The following ADAMTSL2 variants were observed in gnomAD, a reference collection of about 807,000 sequenced individuals.
ADAMTSL2 encodes the protein ADAMTS-like protein 2.
ADAMTSL2 carries 55 observed loss-of-function variants against 117.0 expected under a neutral mutation model. The ratio of observed to expected loss-of-function variants is 0.47; its 90% CI spans 0.38 to 0.59. ADAMTSL2 has a LOEUF of 0.59. Among genes scored for constraint, ADAMTSL2 ranks in the 20% least tolerant of loss-of-function variants. The pLI is 0.00. For synonymous variants in ADAMTSL2, 572 were observed against 566.4 expected (o/e 1.01, Z -0.14); for missense variants, 1,182 against 1,354.5 (o/e 0.87, Z 2.00).
intron 17 of ADAMTSL2, among the ~76,000 whole-genome samples, chr9:133,572,614 C>T (rs1315146272): frequency 1.3e-5 from 2 of 152,100 alleles, no homozygotes; most frequent in African/African-American, 2.4e-5. Context: ...GGTGATGAGC[C>T]ATGGCACGGG....
chr9:133,561,320 C>T, intron 12 of ADAMTSL2, 25 bp downstream of exon 12: 9 of 1,558,536 alleles, frequency 5.8e-6, no homozygotes, highest in Non-Finnish European at 7.8e-6. Flanking sequence ...TGCCAAGGGG[C>T]AGCAACTGCC....
rs1200433730 is a variant in ADAMTSL2, at chr9:133,568,625, G to A, written c.2111G>A (p.Arg704His). 26 of 1,610,716 alleles carry A rather than the reference G, an allele frequency of 1.6e-5. 1 individual carries two copies. Among genetic ancestry groups the A allele is most frequent in the African/African-American group, 1.5e-4 (11 of 74,906 alleles). ...CAGTGCACTGCCAAGTGTGGGGAGC[G>A]CAGTGTGGTGACCAGGGACATCCGC... Reference protein sequence around the residue: ...WSECTAKCGERSVVTRDIRCS... With the variant: ...WSECTAKCGEHSVVTRDIRCS... Residue 704 changes from arginine to histidine, a missense_variant, in exon 15 of 19, where the codon CGC (arginine) becomes CAC (histidine). Arg to His is a conservative substitution (Grantham distance 29). Transcript: ENST00000651351.
chr9:133,540,164 C>G (rs1368983799), intron 5 of ADAMTSL2, among the ~76,000 whole-genome samples: 3 of 152,216 alleles, frequency 2.0e-5, no homozygotes, highest in Admixed American at 2.0e-4. Context: ...TGGGCACAGA[C>G]AGGAACCAGC....
intron 12 of ADAMTSL2, among the ~76,000 whole-genome samples, chr9:133,562,696 G>A (rs1395089967): frequency 1.4e-5 from 2 of 144,340 alleles, no homozygotes; most frequent in African/African-American, 2.5e-5. Flanking sequence ...CGTGGGCGGC[G>A]TGGTGGGCAC....
At position 133,544,477 on chromosome 9, in the gene ADAMTSL2, T is replaced by G. The variant is rs142777315; in HGVS notation, c.690T>G (p.Ser230=). The part of the protein sequence containing the change: ...YRKGNAHLGY[S]LVTHIPAGAR... ...TCATCCTTTTGCCTCCAGGTTACTC[T>G]CTGGTGACCCACATCCCGGCTGGTG... Residue 230 remains serine (S), a synonymous_variant, in exon 8 of 19, where the codon TCT becomes TCG. Transcript: ENST00000651351. 8 of 1,613,980 alleles carry G rather than the reference T, an allele frequency of 5.0e-6. No homozygotes were observed. The highest frequency in any genetic ancestry group is 6.8e-6 in the Non-Finnish European group (8 of 1,179,870).
Position 133,555,746 on chromosome 9 carries a change from A to T in ADAMTSL2, c.1465A>T (p.Ser489Cys). The T allele has an allele frequency of 1.2e-6, 2 of 1,613,954 alleles. No homozygotes were observed. Among genetic ancestry groups the T allele is most frequent in the Non-Finnish European group, 1.7e-6 (2 of 1,180,016 alleles). Residue 489 changes from serine to cysteine, a missense_variant, in exon 11 of 19, where the codon AGC (serine) becomes TGC (cysteine). Ser to Cys is a moderately radical substitution (Grantham distance 112). Around this residue, in one of 3 missense-constraint regions of ADAMTSL2, gnomAD observed 345 missense variants for 325.8 expected, o/e 1.06. Coordinates refer to ENST00000651351, the MANE Select transcript of ADAMTSL2 (RefSeq NM_014694.4). ...NSIFAQGAPR[S>C]SLAESFFVDY... ...CATCTTTGCACAGGGCGCCCCAAGG[A>T]GCTCCCTGGCCGAGAGCTTCTTCGT...
Position 133,558,558 on chromosome 9 carries a change from T to C in ADAMTSL2, c.1649+2628T>C, listed in dbSNP as rs1830658971. Among the ~76,000 whole-genome samples the C allele has an allele frequency of 6.6e-6, 1 of 152,174 alleles. No individual in the cohort carries two copies. Among genetic ancestry groups the C allele is most frequent in the Non-Finnish European group, 1.5e-5 (1 of 68,020 alleles). On this transcript the variant is annotated intron_variant, in intron 11 of 18. Coordinates refer to ENST00000651351, the MANE Select transcript of ADAMTSL2 (RefSeq NM_014694.4). This position sits in a 1 kb window ranked among gnomAD's most constrained non-coding sequence, Gnocchi z 4.3. ...GGGGGGAGAGAAGAACAGAGCACTT[T>C]CTGGCTTGTTTATAAACAAACACGG... is the stretch of plus-strand genomic sequence containing the variant.
At chr9:133,560,174 A>G (rs1000831462) in intron 11 of ADAMTSL2, among the ~76,000 whole-genome samples, 1 of 152,166 alleles carries the variant, frequency 6.6e-6, no homozygotes, top group Non-Finnish European at 1.5e-5. Flanking sequence ...AGGACCTGTG[A>G]CCTGGCCCAC....
intron 1 of ADAMTSL2, among the ~76,000 whole-genome samples, chr9:133,535,816 G>T (rs931881551): frequency 2.0e-5 from 3 of 152,070 alleles, no homozygotes; most frequent in African/African-American, 7.2e-5. Context: ...TGGATCTCTG[G>T]TCTTCCCTTC....
chr9:133,553,357 G>A (rs1830530126), intron 9 of ADAMTSL2, among the ~76,000 whole-genome samples: 1 of 152,044 alleles, frequency 6.6e-6, no homozygotes, highest in Admixed American at 6.6e-5. Flanking sequence ...TGCCTCTCCC[G>A]CCTTCCAGCT....
At position 133,573,887 on chromosome 9, in the gene ADAMTSL2, G is replaced by A. The variant is rs1390561048; in HGVS notation, c.2637G>A (p.Lys879=). 10 of 1,614,020 alleles carry A rather than the reference G, an allele frequency of 6.2e-6. No individual in the cohort carries two copies. The African/African-American group carries it at 8.0e-5, about 13-fold the overall frequency. ...TGGGCGTGAGGATGCGAGACGTCAAGTGCTACCAGGGGACCGACATCGTCC... is the reference window on the plus strand; with the variant it reads ...TGGGCGTGAGGATGCGAGACGTCAAATGCTACCAGGGGACCGACATCGTCC... ...CGVGVRMRDV[K]CYQGTDIVRG... is the part of the protein sequence containing the mutation. Residue 879 remains lysine (K), a synonymous_variant, in exon 18 of 19, where the codon AAG becomes AAA. Coordinates refer to ENST00000651351, the MANE Select transcript of ADAMTSL2 (RefSeq NM_014694.4).
chr9:133,561,405 G>A (rs892804661), intron 12 of ADAMTSL2, 110 bp downstream of exon 12: 28 of 1,013,122 alleles, frequency 2.8e-5, no homozygotes, highest in South Asian at 8.2e-5. Flanking sequence ...AACTGCCCTC[G>A]GGGTGCTTGT....
intron 17 of ADAMTSL2, among the ~76,000 whole-genome samples, chr9:133,571,610 G>A (rs1212431713): frequency 1.3e-5 from 2 of 152,194 alleles, no homozygotes; most frequent in African/African-American, 4.8e-5. Context: ...GGGCCCCACG[G>A]AGGCAGCCCT....
At chr9:133,544,078 G>C (rs577629611) in intron 7 of ADAMTSL2, among the ~76,000 whole-genome samples, 23 of 152,374 alleles carry the variant, frequency 1.5e-4, no homozygotes, top group African/African-American at 4.8e-4. Flanking sequence ...TCACAAGACA[G>C]GATTTTAAAA....
At chr9:133,561,423 C>CCCCAAG in intron 12 of ADAMTSL2, 128 bp downstream of exon 12, 1 of 828,288 alleles carries the variant, frequency 1.2e-6, no homozygotes, top group Non-Finnish European at 2.0e-6. Context: ...TGTCCGTGGC[C>CCCCAAG]TCCTGACTTG....
Position 133,566,969 on chromosome 9 carries a change from A to T in ADAMTSL2, c.1781A>T (p.Tyr594Phe). The change falls in exon 13 of 19, where the codon TAT (tyrosine) becomes TTT (phenylalanine). Residue 594 changes from tyrosine (Y) to phenylalanine (F), a missense_variant. This residue lies in a region of ADAMTSL2 where 465 missense variants were observed against 565.3 expected (regional missense o/e 0.82). Coordinates refer to ENST00000651351, the MANE Select transcript of ADAMTSL2 (RefSeq NM_014694.4). ...VMSAYAMCVRYDGVEVDDSYC... is the reference protein window; with the variant it reads ...VMSAYAMCVRFDGVEVDDSYC... ...TCTGCGTACGCCATGTGTGTCCGCTATGATGGCGTCGAGGTGGATGACAGC... is the reference window on the plus strand; with the variant it reads ...TCTGCGTACGCCATGTGTGTCCGCTTTGATGGCGTCGAGGTGGATGACAGC... 1 of 1,610,904 alleles carries T rather than the reference A, an allele frequency of 6.2e-7. No homozygotes were observed. Among genetic ancestry groups the T allele is most frequent in the South Asian group, 1.1e-5 (1 of 90,192 alleles).
At position 133,544,570 on chromosome 9, in the gene ADAMTSL2, C is replaced by G; in HGVS notation, c.763+20C>G. The G allele has an allele frequency of 6.2e-7, 1 of 1,604,004 alleles. No individual in the cohort carries two copies. On this transcript the variant is annotated intron_variant, in intron 8 of 18. Coordinates refer to ENST00000651351, the MANE Select transcript of ADAMTSL2 (RefSeq NM_014694.4). ...TGCTAGGTGGGTACGCAGTGTCTGGCAGCTGCCTCACTGAGCTTTTGGTTG... is the reference window on the plus strand; with the variant it reads ...TGCTAGGTGGGTACGCAGTGTCTGGGAGCTGCCTCACTGAGCTTTTGGTTG...
At position 133,574,848 on chromosome 9, in the gene ADAMTSL2, G is replaced by C. The variant is rs1163249011; in HGVS notation, c.2840G>C (p.Arg947Thr). ...YYSKACCRSC[R>T]PPHS ...AGCAAGGCGTGCTGCCGCTCCTGCA[G>C]GCCCCCCCACTCCTAGGCCCGGCAG... is the stretch of plus-strand genomic sequence containing the variant. Residue 947 changes from arginine (R) to threonine (T), a missense_variant, in exon 19 of 19, where the codon AGG (arginine) becomes ACG (threonine). Physicochemically the swap from Arg to Thr is moderately conservative, Grantham distance 71 (BLOSUM62 -1). Coordinates refer to ENST00000651351, the MANE Select transcript of ADAMTSL2 (RefSeq NM_014694.4). The C allele has an allele frequency of 6.2e-7, 1 of 1,612,850 alleles. No homozygotes were observed. Among genetic ancestry groups the C allele is most frequent in the Non-Finnish European group, 8.5e-7 (1 of 1,179,456 alleles).
rs1830629701 is a variant in ADAMTSL2 at position 133,557,515 on chromosome 9, G to A, written c.1649+1585G>A. 6.6e-6 allele frequency among the ~76,000 whole-genome samples: 1 copy of A among 152,162 alleles called. No homozygotes were observed. Among genetic ancestry groups the A allele is most frequent in the African/African-American group, 2.4e-5 (1 of 41,432 alleles). On this transcript the variant is annotated intron_variant, in intron 11 of 18. Coordinates refer to ENST00000651351, the MANE Select transcript of ADAMTSL2 (RefSeq NM_014694.4). The surrounding 1 kb of genome is among the most constrained non-coding windows in gnomAD (Gnocchi z 5.2). ...ACTCGGGCGGGGAGGGCCGGGCCTT[G>A]CTTTGGGTATAGTGTCTGAGTCTGA...
Sources: allele counts gnomAD v4.1 joint callset (sites outside exome capture counted in the v4.1 genomes callset), GRCh38; gene constraint gnomAD v4.1.1; regional missense constraint gnomAD v4.1.1; non-coding constraint Gnocchi (gnomAD v3.1); transcripts MANE v1.5; gene names NCBI Gene and HGNC (gene_info 2026-07-23, HGNC 2026-07-21).